Variants in SGTB observed in about 807,000 individuals in gnomAD.
SGTB encodes the protein small glutamine-rich tetratricopeptide repeat-containing protein beta.
A neutral mutation model predicts 43.9 loss-of-function variants in SGTB; 19 were observed. That is an observed-to-expected ratio of 0.43 (90% CI 0.30 to 0.63). The LOEUF is 0.63. Among genes scored for constraint, SGTB ranks in the 30% least tolerant of loss-of-function variants. The pLI is 0.12. For synonymous variants in SGTB, 116 were observed against 117.3 expected, an observed-to-expected ratio of 0.99 and a Z score of 0.07; for missense variants, 304 against 358.9, an observed-to-expected ratio of 0.85 and a Z score of 1.24.
upstream of SGTB, chr5:65,722,554 G>A (rs1758339691): frequency 1.4e-5 from 11 of 776,214 alleles, no homozygotes; most frequent in Admixed American, 5.7e-5. Context: ...GGCTTGCAAG[G>A]TGGACCCCTG....
chr5:65,708,627 T>C, intron 3 of SGTB, 69 bp from the exon 4 acceptor site: 1 of 1,161,846 alleles, frequency 8.6e-7, no homozygotes, highest in Non-Finnish European at 1.2e-6. Context: ...GTACTATAAA[T>C]AAATAATAAA....
At chr5:65,694,386 C>T (rs1019091218) in intron 5 of SGTB, among the ~76,000 whole-genome samples, 1 of 151,836 alleles carries the variant, frequency 6.6e-6, no homozygotes, top group Non-Finnish European at 1.5e-5. Flanking sequence ...GAGCCAAGAT[C>T]GTGCCACTGC....
Position 65,720,810 on chromosome 5 carries a change from T to C in SGTB, c.-3A>G. 1 of 1,610,642 alleles carries C rather than the reference T, an allele frequency of 6.2e-7. No homozygotes were observed. Among genetic ancestry groups the C allele is most frequent in the Non-Finnish European group, 8.5e-7 (1 of 1,179,220 alleles). On this transcript the variant is annotated 5_prime_UTR_variant, in exon 2 of 11. Transcript: ENST00000381007. ...ACCAGGTGCTTGATAGATGACATTT[T>C]AGAAGCTTAAACACTTTTCCTTGAT... is the stretch of plus-strand genomic sequence containing the variant.
At chr5:65,682,635 A>T (rs568853135) in intron 6 of SGTB, among the ~76,000 whole-genome samples, 73 of 152,322 alleles carry the variant, frequency 4.8e-4, no homozygotes, top group Non-Finnish European at 1.5e-5. Flanking sequence ...TAGGCTTCTG[A>T]CCTGTGCATG....
intron 4 of SGTB, 134 bp downstream of exon 4, chr5:65,708,355 C>G: frequency 4.5e-6 from 3 of 668,254 alleles, no homozygotes; most frequent in Non-Finnish European, 7.3e-6. Context: ...ACATTCATTT[C>G]TGTTTCGTAA....
rs552031434 is a variant in SGTB, at chr5:65,706,842, C to T, written c.274+1647G>A. Among the ~76,000 whole-genome samples, 56 of 151,714 alleles carry T rather than the reference C, an allele frequency of 3.7e-4. No homozygotes were observed. The South Asian group carries it at 0.011, about 31-fold the overall frequency. On this transcript the variant is annotated intron_variant, in intron 4 of 10. Coordinates refer to ENST00000381007, the MANE Select transcript of SGTB (RefSeq NM_019072.3). ...GCCAGACTCCATCTCAAAAAAGGAA[C>T]AAAGTAGCAAAAATAAATATTGACA...
intron 8 of SGTB, among the ~76,000 whole-genome samples, chr5:65,679,046 G>A (rs1271216521): frequency 6.6e-6 from 1 of 152,054 alleles, no homozygotes; most frequent in Non-Finnish European, 1.5e-5. Context: ...ACAATCAACA[G>A]AGTAAACAGA....
chr5:65,682,311 T>TA (rs1238011316), intron 6 of SGTB, among the ~76,000 whole-genome samples: 1 of 152,156 alleles, frequency 6.6e-6, no homozygotes, highest in Non-Finnish European at 1.5e-5. Flanking sequence ...TGCCAGATGA[T>TA]AGAGGACCAT....
intron 5 of SGTB, among the ~76,000 whole-genome samples, chr5:65,687,642 G>A (rs1322556455): frequency 1.3e-5 from 2 of 152,178 alleles, no homozygotes; most frequent in African/African-American, 4.8e-5. Flanking sequence ...GTCCCTCAGA[G>A]GCCTCAGATG....
intron 3 of SGTB, among the ~76,000 whole-genome samples, chr5:65,709,001 A>G (rs1421907126): frequency 6.6e-6 from 1 of 151,884 alleles, no homozygotes; most frequent in Non-Finnish European, 1.5e-5. Flanking sequence ...AGATCATGGC[A>G]CTGTACTCCA....
At chr5:65,684,540 T>A (rs1757459975) in intron 6 of SGTB, among the ~76,000 whole-genome samples, 1 of 151,984 alleles carries the variant, frequency 6.6e-6, no homozygotes, top group South Asian at 2.1e-4. Flanking sequence ...GTGGAGGCAA[T>A]GGTCTTAGGT....
intron 8 of SGTB, among the ~76,000 whole-genome samples, chr5:65,675,920 A>C (rs1489709105): frequency 6.6e-6 from 1 of 152,240 alleles, no homozygotes; most frequent in African/African-American, 2.4e-5. Flanking sequence ...GACACTGTGA[A>C]GCAACCACAT....
intron 5 of SGTB, among the ~76,000 whole-genome samples, chr5:65,697,131 C>A (rs1485856954): frequency 6.6e-6 from 1 of 152,078 alleles, no homozygotes; most frequent in Admixed American, 6.6e-5. Flanking sequence ...TTTATAGCTA[C>A]TAGAGTCTCA....
intron 6 of SGTB, among the ~76,000 whole-genome samples, chr5:65,684,133 G>A (rs979200763): frequency 6.6e-6 from 1 of 151,662 alleles, no homozygotes; most frequent in Non-Finnish European, 1.5e-5. Flanking sequence ...CACTCAGGCT[G>A]GAGTGCAGTG....
upstream of SGTB, chr5:65,722,279 GC>G: frequency 1.0e-6 from 1 of 976,410 alleles, no homozygotes; most frequent in Non-Finnish European, 1.4e-6. Flanking sequence ...GGCTAGGCCG[GC>G]TCGAGACTCC....
At chr5:65,722,486 C>A, upstream of SGTB, 1 of 1,366,440 alleles carries the variant, frequency 7.3e-7, no homozygotes, top group East Asian at 2.7e-5. Context: ...GCCTGGAGCC[C>A]GGACCCACCC....
intron 8 of SGTB, among the ~76,000 whole-genome samples, chr5:65,676,129 C>T (rs1313624051): frequency 2.0e-5 from 3 of 151,962 alleles, no homozygotes; most frequent in Non-Finnish European, 4.4e-5. Flanking sequence ...GCTCAAAATA[C>T]AGGGATGAAG....
intron 5 of SGTB, 61 bp downstream of exon 5, chr5:65,704,218 T>A: frequency 8.3e-7 from 1 of 1,199,406 alleles, no homozygotes; most frequent in Non-Finnish European, 1.2e-6. Flanking sequence ...TGCATTTTCC[T>A]TCAGAGCTAT....
chr5:65,718,143 TG>T (rs1211898230), intron 2 of SGTB, among the ~76,000 whole-genome samples: 1 of 152,122 alleles, frequency 6.6e-6, no homozygotes, highest in Non-Finnish European at 1.5e-5. Context: ...AATGCAATTC[TG>T]GTAATGATTA....
Sources: allele counts gnomAD v4.1 joint callset (sites outside exome capture counted in the v4.1 genomes callset), GRCh38; gene constraint gnomAD v4.1.1; transcripts MANE v1.5; gene names NCBI Gene and HGNC (gene_info 2026-07-23, HGNC 2026-07-21).